The following ITGAD variants were observed in gnomAD, a reference collection of about 807,000 sequenced individuals.
ITGAD encodes the protein integrin alpha-D.
A neutral mutation model predicts 139.0 loss-of-function variants in ITGAD; 105 were observed. The ratio of observed to expected loss-of-function variants is 0.76; its 90% CI spans 0.65 to 0.89. The LOEUF is 0.89. Among genes scored for constraint, ITGAD ranks in the 40% least tolerant of loss-of-function variants. The pLI is 0.00. For missense variants in ITGAD, 1,384 were observed against 1,487.3 expected, an observed-to-expected ratio of 0.93 and a Z score of 1.14; for synonymous variants, 569 against 598.3, an observed-to-expected ratio of 0.95 and a Z score of 0.71.
chr16:31,394,330 C>A lies in ITGAD; in HGVS notation c.126C>A (p.Phe42Leu), dbSNP rs140142659. The A allele has an allele frequency of 3.5e-5, 57 of 1,611,984 alleles. No homozygotes were observed. Among genetic ancestry groups the A allele is most frequent in the African/African-American group, 8.0e-5 (6 of 74,756 alleles). The change falls in exon 2 of 30, where the codon TTC (phenylalanine) becomes TTA (leucine). Residue 42 changes from phenylalanine (F) to leucine (L), a missense_variant. Coordinates refer to ENST00000389202, the MANE Select transcript of ITGAD (RefSeq NM_005353.3). ...GCTTTGGGCAGAGCGTGGTGCAGTT[C>A]GGTGGATCTCGGTAGGCCCCACTCA... Reference protein sequence around the residue: ...AGGFGQSVVQFGGSRLVVGAP... With the variant: ...AGGFGQSVVQLGGSRLVVGAP...
intron 10 of ITGAD, among the ~76,000 whole-genome samples, chr16:31,409,296 A>AAACAAC (rs200576846): frequency 3.3e-5 from 5 of 151,036 alleles, no homozygotes; most frequent in East Asian, 2.0e-4. Context: ...CTCTGTCTCA[A>AAACAAC]AACAACAACA....
intron 29 of ITGAD, 72 bp from the exon 30 acceptor site, chr16:31,425,943 A>T: frequency 1.1e-6 from 1 of 946,798 alleles, no homozygotes; most frequent in Non-Finnish European, 1.7e-6. Flanking sequence ...AGCTTCCCAC[A>T]GTGCTGAGAT....
At chr16:31,413,059 TTC>T (rs1567342946) in intron 15 of ITGAD, 28 bp from the exon 16 acceptor site, 1 of 1,612,812 alleles carries the variant, frequency 6.2e-7, no homozygotes, top group East Asian at 2.2e-5. Flanking sequence ...GAAGCCAGTG[TTC>T]TGTCCTCCCC....
chr16:31,398,440 A>C lies in ITGAD; in HGVS notation c.427+531A>C, dbSNP rs369307808. ...AAAACTCCATCTCAAAAAAAAAAAA[A>C]AAACAAAAAACAGAGTTTCTGTCAG... On this transcript the variant is annotated intron_variant, in intron 5 of 29. Coordinates refer to ENST00000389202, the MANE Select transcript of ITGAD (RefSeq NM_005353.3). 5.3e-5 allele frequency among the ~76,000 whole-genome samples: 8 copies of C among 151,726 alleles called. No individual in the cohort carries two copies. The East Asian group carries it at 7.8e-4, about 15-fold the overall frequency.
chr16:31,424,582 G>C lies in ITGAD; in HGVS notation c.3372+5G>C, dbSNP rs1305569624. 2 of 1,519,442 alleles carry C rather than the reference G, an allele frequency of 1.3e-6. No individual in the cohort carries two copies. Among genetic ancestry groups the C allele is most frequent in the South Asian group, 1.2e-5 (1 of 83,806 alleles). 94.1% of individuals were successfully genotyped at this position (1,519,442 alleles called of 1,614,324 possible). On this transcript the variant is annotated splice_donor_5th_base_variant and intron_variant, in intron 29 of 29. Coordinates refer to ENST00000389202, the MANE Select transcript of ITGAD (RefSeq NM_005353.3). Reference sequence around the variant, plus strand: ...ATCACAGCCACACTGTACAAGGCAAGTGTTTTATCCAACTCTTTTTTTTTT... The same window carrying C: ...ATCACAGCCACACTGTACAAGGCAACTGTTTTATCCAACTCTTTTTTTTTT...
Position 31,418,105 on chromosome 16 carries a change from G to C in ITGAD, c.2530G>C (p.Ala844Pro). Residue 844 changes from alanine to proline, a missense_variant, in exon 21 of 30, where the codon GCA becomes CCA. By Grantham distance (27) the Ala-to-Pro change is conservative. Transcript: ENST00000389202. ...KQPHQSALRL[A>P]CETVPTEDEG... Reference sequence around the variant, plus strand: ...GCCCCATCAGAGTGCCCTGCGCCTGGCATGTGAGACAGTGCCCACTGAGGA... The same window carrying C: ...GCCCCATCAGAGTGCCCTGCGCCTGCCATGTGAGACAGTGCCCACTGAGGA... 1 of 1,614,020 alleles carries C rather than the reference G, an allele frequency of 6.2e-7. No homozygotes were observed. Among genetic ancestry groups the C allele is most frequent in the Non-Finnish European group, 8.5e-7 (1 of 1,179,994 alleles).
chr16:31,416,702 C>T lies in ITGAD; in HGVS notation c.2499+56C>T, dbSNP rs535362317. The T allele has an allele frequency of 9.8e-5, 151 of 1,536,844 alleles. No individual in the cohort carries two copies. In the African/African-American group the frequency reaches 1.4e-3, roughly 14 times the overall value. ...GGGCCTCTCCCCTGCCCTGTAGCCC[C>T]GGGAGTTACACAGTGTTCTTCAAAA... On this transcript the variant is annotated intron_variant, in intron 20 of 29. Coordinates refer to ENST00000389202, the MANE Select transcript of ITGAD (RefSeq NM_005353.3).
At chr16:31,424,262 G>A in intron 28 of ITGAD, 59 bp downstream of exon 28, 1 of 1,592,488 alleles carries the variant, frequency 6.3e-7, no homozygotes, top group Non-Finnish European at 8.6e-7. Flanking sequence ...GGCTACATCT[G>A]TGGTGCTGGG....
At chr16:31,423,739 T>G (rs2082054346) in intron 26 of ITGAD, 91 bp downstream of exon 26, 1 of 1,517,946 alleles carries the variant, frequency 6.6e-7, no homozygotes, top group Non-Finnish European at 9.1e-7. Flanking sequence ...TCCGTGCATG[T>G]CCTGTAACTG....
chr16:31,410,543 T>C lies in ITGAD; in HGVS notation c.1213+19T>C, dbSNP rs748094425. 2.4e-5 allele frequency: 39 copies of C among 1,610,014 alleles called. 1 individual carries two copies. The South Asian group carries it at 3.6e-4, about 15-fold the overall frequency. On this transcript the variant is annotated intron_variant, in intron 11 of 29. Coordinates refer to ENST00000389202, the MANE Select transcript of ITGAD (RefSeq NM_005353.3). ...TACCTGGGTGAGAAACGGCCAGGGG[T>C]TGGGGACAGGTTGGAGATGCACTGC...
Position 31,426,007 on chromosome 16 carries a change from C to A in ITGAD, c.3373-8C>A. ...TACCCAGCTTTTCTAATTTATTTCC[C>A]CTGATAGCTTGGCTTCTTCAAACGC... On this transcript the variant is annotated splice_region_variant and splice_polypyrimidine_tract_variant and intron_variant, in intron 29 of 29. Transcript: ENST00000389202. 6.3e-7 allele frequency: 1 copy of A among 1,598,886 alleles called. No homozygotes were observed. Among genetic ancestry groups the A allele is most frequent in the Non-Finnish European group, 8.6e-7 (1 of 1,166,268 alleles).
chr16:31,418,367 G>A lies in ITGAD; in HGVS notation c.2683G>A (p.Ala895Thr). 6.2e-7 allele frequency: 1 copy of A among 1,613,988 alleles called. No individual in the cohort carries two copies. The highest frequency in any genetic ancestry group is 8.5e-7 in the Non-Finnish European group (1 of 1,179,956). The change falls in exon 22 of 30, where the codon GCC becomes ACC. Residue 895 changes from alanine (A) to threonine (T), a missense_variant. Transcript: ENST00000389202. ...CCTGGGAGACAGGATGCTTATGAGG[G>A]CCAGTGCAAGCAGGTGGGTCCAGGC... ...ATLGDRMLMRASASSENNKAS... is the reference protein window; with the variant it reads ...ATLGDRMLMRTSASSENNKAS...
chr16:31,408,199 T>C (rs1160999696), intron 9 of ITGAD, among the ~76,000 whole-genome samples: 1 of 152,154 alleles, frequency 6.6e-6, no homozygotes. Flanking sequence ...CTCGAACTCC[T>C]GACCTCAGGT....
In ITGAD at chr16:31,418,531, C is replaced by T. The variant is rs191464050; in HGVS notation, c.2747C>T (p.Pro916Leu). ...SSKATFQLEL[P>L]VKYAVYTMIS... Reference sequence around the variant, plus strand: ...AAGGCCACCTTCCAGCTGGAGCTCCCGGTGAAGTATGCAGTCTACACCATG... The same window carrying T: ...AAGGCCACCTTCCAGCTGGAGCTCCTGGTGAAGTATGCAGTCTACACCATG... Residue 916 changes from proline to leucine, a missense_variant, in exon 23 of 30, where the codon CCG becomes CTG. Coordinates refer to ENST00000389202, the MANE Select transcript of ITGAD (RefSeq NM_005353.3). 25 of 1,614,118 alleles carry T rather than the reference C, an allele frequency of 1.5e-5. No homozygotes were observed. Among genetic ancestry groups the T allele is most frequent in the South Asian group, 7.7e-5 (7 of 91,080 alleles).
intron 2 of ITGAD, among the ~76,000 whole-genome samples, chr16:31,394,607 G>A (rs1290162344): frequency 1.3e-5 from 2 of 152,162 alleles, no homozygotes; most frequent in Non-Finnish European, 2.9e-5. Flanking sequence ...GGGCCAGTAT[G>A]GTCACACAGG....
rs372181813 is a variant in ITGAD at position 31,407,575 on chromosome 16, C to G, written c.765C>G (p.Val255=). 42 of 1,612,420 alleles carry G rather than the reference C, an allele frequency of 2.6e-5. No homozygotes were observed. The highest frequency in any genetic ancestry group is 3.1e-5 in the Non-Finnish European group (36 of 1,179,278). ...AAAGTGCCAAGAAGATCCTCATTGT[C>G]ATCACAGATGGGCAGAAGTACAAAG... ...ARKSAKKILI[V]ITDGQKYKDP... The change falls in exon 8 of 30, where the codon GTC becomes GTG. Residue 255 remains valine (V), a synonymous_variant. Coordinates refer to ENST00000389202, the MANE Select transcript of ITGAD (RefSeq NM_005353.3).
Position 31,423,832 on chromosome 16 carries a change from C to T in ITGAD, c.3046-13C>T, listed in dbSNP as rs746083740. 1.9e-6 allele frequency: 3 copies of T among 1,613,894 alleles called. No homozygotes were observed. The highest frequency in any genetic ancestry group is 2.5e-6 in the Non-Finnish European group (3 of 1,179,750). On this transcript the variant is annotated splice_polypyrimidine_tract_variant and intron_variant, in intron 26 of 29. Coordinates refer to ENST00000389202, the MANE Select transcript of ITGAD (RefSeq NM_005353.3). ...GGAAGAACCCCTCAGTTTCACCCCT[C>T]TTCTGCCCCCAGGACTGCTCCATTG...
rs199582165 is a variant in ITGAD at position 31,402,078 on chromosome 16, C to G, written c.428-37C>G. ...GAGCTGCAGGAGGGGGTTGGGCCCC[C>G]GCAGTGCATCTCCGATTCCTCCCCA... On this transcript the variant is annotated intron_variant, in intron 5 of 29. Coordinates refer to ENST00000389202, the MANE Select transcript of ITGAD (RefSeq NM_005353.3). 3 of 1,603,784 alleles carry G rather than the reference C, an allele frequency of 1.9e-6. No individual in the cohort carries two copies. The Admixed American group carries it at 5.0e-5, about 27-fold the overall frequency.
At chr16:31,408,551 A>G in intron 10 of ITGAD, 53 bp downstream of exon 10, 1 of 1,517,812 alleles carries the variant, frequency 6.6e-7, no homozygotes, top group Non-Finnish European at 9.1e-7. Flanking sequence ...CTCTGCACCC[A>G]CCCTGGGCTG....
Sources: allele counts gnomAD v4.1 joint callset (sites outside exome capture counted in the v4.1 genomes callset), GRCh38; gene constraint gnomAD v4.1.1; transcripts MANE v1.5; gene names NCBI Gene and HGNC (gene_info 2026-07-23, HGNC 2026-07-21).